MAPKAP1: variants seen among roughly 807,000 people sequenced by gnomAD.
MAPKAP1 encodes MAPK associated protein 1.
In MAPKAP1, 20 loss-of-function variants were observed where a neutral mutation model predicts 65.7. The observed-to-expected ratio is 0.30, with a 90% CI of 0.21 to 0.44. MAPKAP1 has a LOEUF of 0.44. MAPKAP1 is among the 20% of genes least tolerant of loss of function. The pLI is 1.00. For missense variants in MAPKAP1, 423 were observed against 648.0 expected, an observed-to-expected ratio of 0.65 and a Z score of 3.77; for synonymous variants, 222 against 244.3, an observed-to-expected ratio of 0.91 and a Z score of 0.85.
chr9:125,568,732 A>C (rs1418459140), intron 5 of MAPKAP1: 4 of 152,922 alleles, frequency 2.6e-5, no homozygotes, highest in Middle Eastern at 3.1e-3. Context: ...GGCCAGAATG[A>C]AAAAAAATAA....
At position 125,691,788 on chromosome 9, in the gene MAPKAP1, G is replaced by A. The variant is rs111990360; in HGVS notation, c.-70+15183C>T. ...ACTTTCTTCACTTTCCCCTCACCTCGCATTTCCTAGTAAGAAGTTCACTGC... is the reference window on the plus strand; with the variant it reads ...ACTTTCTTCACTTTCCCCTCACCTCACATTTCCTAGTAAGAAGTTCACTGC... On this transcript the variant is annotated intron_variant, in intron 1 of 11. Coordinates refer to ENST00000265960, the MANE Select transcript of MAPKAP1 (RefSeq NM_001006617.3). 4.9e-4 allele frequency among the ~76,000 whole-genome samples: 75 copies of A among 152,170 alleles called. 1 individual carries two copies. The highest frequency in any genetic ancestry group is 1.6e-3 in the African/African-American group (68 of 41,540).
intron 6 of MAPKAP1, among the ~76,000 whole-genome samples, chr9:125,543,380 C>T (rs1162475564): frequency 6.6e-6 from 1 of 152,034 alleles, no homozygotes; most frequent in African/African-American, 2.4e-5. Flanking sequence ...CATTCTCCTG[C>T]CTCAGCCTCC....
At chr9:125,698,952 C>T (rs1005365914) in intron 1 of MAPKAP1, among the ~76,000 whole-genome samples, 1 of 152,080 alleles carries the variant, frequency 6.6e-6, no homozygotes, top group African/African-American at 2.4e-5. Context: ...CTTTTATGAC[C>T]ACTCCATCAA....
chr9:125,469,849 A>G (rs1853832119), intron 9 of MAPKAP1, among the ~76,000 whole-genome samples: 1 of 152,206 alleles, frequency 6.6e-6, no homozygotes, highest in South Asian at 2.1e-4. Context: ...TCTTGCCTCC[A>G]ATTTGGTCAT....
chr9:125,548,107 A>C (rs571959043), intron 6 of MAPKAP1, among the ~76,000 whole-genome samples: 1 of 152,334 alleles, frequency 6.6e-6, no homozygotes, highest in East Asian at 1.9e-4. Flanking sequence ...TAAAATAGGT[A>C]CAATTATTAC....
Position 125,438,457 on chromosome 9 carries a change from T to C in MAPKAP1, c.*430A>G. The C allele has an allele frequency of 2.5e-6, 1 of 400,558 alleles. No homozygotes were observed. The highest frequency in any genetic ancestry group is 4.4e-6 in the Non-Finnish European group (1 of 227,036). The allele number at this position is 400,558 out of a possible 1,614,324, so 24.8% of individuals were successfully genotyped here. A position where few individuals can be genotyped will look rare whatever the true frequency, so the allele number is the denominator to read the frequency against. On this transcript the variant is annotated 3_prime_UTR_variant, in exon 12 of 12. Coordinates refer to ENST00000265960, the MANE Select transcript of MAPKAP1 (RefSeq NM_001006617.3). ...ATCCTCCGCCCCAAAGAATGGTCCA[T>C]CATACCAACCATGATAAAGAGTACA...
At chr9:125,553,172 C>T (rs905220831) in intron 6 of MAPKAP1, among the ~76,000 whole-genome samples, 1 of 152,084 alleles carries the variant, frequency 6.6e-6, no homozygotes, top group Non-Finnish European at 1.5e-5. Context: ...CCTGGGGAGC[C>T]CTGAGCCACT....
intron 1 of MAPKAP1, among the ~76,000 whole-genome samples, chr9:125,703,290 T>G (rs2131886461): frequency 6.6e-6 from 1 of 152,326 alleles, no homozygotes; most frequent in Middle Eastern, 3.4e-3. Context: ...TAATGAAGAT[T>G]TGTTTACTCT....
intron 8 of MAPKAP1, among the ~76,000 whole-genome samples, chr9:125,497,338 GAATT>G (rs1239814450): frequency 6.6e-6 from 1 of 152,276 alleles, no homozygotes; most frequent in African/African-American, 2.4e-5. Context: ...AAAGGAAGCT[GAATT>G]AATGTTTACA....
intron 9 of MAPKAP1, among the ~76,000 whole-genome samples, chr9:125,473,769 A>C (rs965479375): frequency 6.6e-6 from 1 of 152,184 alleles, no homozygotes; most frequent in Non-Finnish European, 1.5e-5. Flanking sequence ...GAACACCTCT[A>C]ATCAGGAAGG....
intron 8 of MAPKAP1, among the ~76,000 whole-genome samples, chr9:125,505,070 G>A (rs1002038394): frequency 6.6e-6 from 1 of 152,206 alleles, no homozygotes; most frequent in Non-Finnish European, 1.5e-5. Context: ...AATACAGGCT[G>A]GCTGCAGTGG....
chr9:125,595,696 G>A lies in MAPKAP1; in HGVS notation c.499-9969C>T, dbSNP rs557041787. On this transcript the variant is annotated intron_variant, in intron 4 of 11. Transcript: ENST00000265960. This position sits in a 1 kb window ranked among gnomAD's most constrained non-coding sequence, Gnocchi z 4.0. Reference sequence around the variant, plus strand: ...CTAAGTCAGAGTCTCCTAAAGAGCCGGAACAGCTAAGGAATCTCTTCATTG... The same window carrying A: ...CTAAGTCAGAGTCTCCTAAAGAGCCAGAACAGCTAAGGAATCTCTTCATTG... 5.1e-6 allele frequency: 8 copies of A among 1,554,296 alleles called. No homozygotes were observed. The highest frequency in any genetic ancestry group is 2.7e-5 in the African/African-American group (2 of 73,698).
At chr9:125,700,819 G>C (rs1252774375) in intron 1 of MAPKAP1, among the ~76,000 whole-genome samples, 1 of 152,164 alleles carries the variant, frequency 6.6e-6, no homozygotes, top group Non-Finnish European at 1.5e-5. Flanking sequence ...TGAAAGCTGG[G>C]TATTAAAATA....
chr9:125,667,672 A>G (rs13286111), intron 3 of MAPKAP1, among the ~76,000 whole-genome samples: 2 of 152,016 alleles, frequency 1.3e-5, no homozygotes, highest in Admixed American at 6.5e-5. Flanking sequence ...TTGGCCTCCA[A>G]AAGTGTTGGG....
intron 9 of MAPKAP1, among the ~76,000 whole-genome samples, chr9:125,469,654 T>A (rs750460065): frequency 1.3e-5 from 2 of 152,204 alleles, no homozygotes; most frequent in Non-Finnish European, 2.9e-5. Context: ...TATTTTTTAC[T>A]AATCGAACGC....
intron 5 of MAPKAP1, among the ~76,000 whole-genome samples, chr9:125,564,200 G>C (rs536453724): frequency 1.3e-5 from 2 of 152,258 alleles, no homozygotes; most frequent in African/African-American, 4.8e-5. Context: ...GGATGAAAGG[G>C]GAATTTTTAT....
rs770664374 is a variant in MAPKAP1 at position 125,444,625 on chromosome 9, G to C, written c.1346-27C>G. ...TGCAGAGACAGAAAACTGTGTTGAG[G>C]GGTTCTGGTGAGTTAACTATGGCGG... is the stretch of plus-strand genomic sequence containing the variant. On this transcript the variant is annotated intron_variant, in intron 10 of 11. Transcript: ENST00000265960. 4 of 1,547,752 alleles carry C rather than the reference G, an allele frequency of 2.6e-6. No individual in the cohort carries two copies. In the Admixed American group the frequency reaches 5.2e-5, roughly 20 times the overall value.
chr9:125,672,864 G>A lies in MAPKAP1; in HGVS notation c.-69-221C>T, dbSNP rs139576354. Among the ~76,000 whole-genome samples, 690 of 152,298 alleles carry A rather than the reference G, an allele frequency of 4.5e-3. 4 individuals carry two copies. Among genetic ancestry groups the A allele is most frequent in the African/African-American group, 0.016 (666 of 41,558 alleles). ...AGATCTCTATAGAATCAGAAAGGAA[G>A]GCTTGCACTCTTGCAAAACAAATCA... On this transcript the variant is annotated intron_variant, in intron 1 of 11. Coordinates refer to ENST00000265960, the MANE Select transcript of MAPKAP1 (RefSeq NM_001006617.3).
chr9:125,526,797 TGA>T (rs1829782813), intron 7 of MAPKAP1, among the ~76,000 whole-genome samples: 1 of 151,722 alleles, frequency 6.6e-6, no homozygotes, highest in Non-Finnish European at 1.5e-5. Flanking sequence ...TTTTTTTTTT[TGA>T]GAGTCTTGCT....
Sources: gnomAD v4.1 joint callset for allele counts (sites outside exome capture counted in the v4.1 genomes callset) on GRCh38, gnomAD v4.1.1 for gene constraint, Gnocchi (gnomAD v3.1) non-coding constraint, MANE v1.5 for transcripts, NCBI Gene and HGNC (gene_info 2026-07-23, HGNC 2026-07-21) for gene names.